SH2D3A: variants seen among roughly 807,000 people sequenced by gnomAD.
The protein encoded by SH2D3A is SH2 domain-containing protein 3A.
In SH2D3A, 46 loss-of-function variants were observed where a neutral mutation model predicts 50.6. That is an observed-to-expected ratio of 0.91 (90% CI 0.72 to 1.16). SH2D3A has a LOEUF of 1.16. SH2D3A is among the 50% of genes most tolerant of loss of function. The pLI is 0.00. For missense variants in SH2D3A, 783 were observed against 786.2 expected (o/e 1.00, Z 0.05); for synonymous variants, 377 against 348.4 (o/e 1.08, Z -0.91).
chr19:6,765,688 C>A (rs556715153), intron 1 of SH2D3A, among the ~76,000 whole-genome samples: 61 of 141,824 alleles, frequency 4.3e-4, no homozygotes, highest in Non-Finnish European at 7.9e-4. Context: ...GCAGACCCTG[C>A]AGTGAACCGA....
At chr19:6,766,785 G>A (rs1177129632) in intron 1 of SH2D3A, among the ~76,000 whole-genome samples, 1 of 152,212 alleles carries the variant, frequency 6.6e-6, no homozygotes, top group Non-Finnish European at 1.5e-5. Context: ...ATCAATGAAA[G>A]TGATAAGCCA....
At position 6,755,032 on chromosome 19, in the gene SH2D3A, G is replaced by A. The variant is rs145201987; in HGVS notation, c.780C>T (p.Ala260=). ...CPEPEAPWWE[A]EEDEEEENRC... Reference sequence around the variant, plus strand: ...TATTCTCTTCCTCCTCATCCTCCTCGGCCTCCCACCATGGGGCCTCTGGCT... The same window carrying A: ...TATTCTCTTCCTCCTCATCCTCCTCAGCCTCCCACCATGGGGCCTCTGGCT... Residue 260 remains alanine, a synonymous_variant, in exon 5 of 10, where the codon GCC becomes GCT. Transcript: ENST00000245908. 51 of 1,613,822 alleles carry A rather than the reference G, an allele frequency of 3.2e-5. No individual in the cohort carries two copies. The highest frequency in any genetic ancestry group is 4.2e-5 in the Non-Finnish European group (50 of 1,180,004).
intron 3 of SH2D3A, 49 bp from the exon 4 acceptor site, chr19:6,759,719 C>T (rs1969901627): frequency 6.4e-7 from 1 of 1,569,438 alleles, no homozygotes; most frequent in African/African-American, 1.3e-5. Context: ...TAAGCAGTGT[C>T]CCCCACCAAT....
chr19:6,754,151 C>G lies in SH2D3A; in HGVS notation c.1285G>C (p.Glu429Gln). 1.9e-6 allele frequency: 3 copies of G among 1,613,106 alleles called. No individual in the cohort carries two copies. The highest frequency in any genetic ancestry group is 8.5e-7 in the Non-Finnish European group (1 of 1,179,690). ...CTTCGGAGCTGGCGCCACGTGTGCT[C>G]CAACCGGGACACCTGGGAGAAGAGA... is the stretch of plus-strand genomic sequence containing the variant. ...ALLMPQVSRL[E>Q]HTWRQLRRSH... The change falls in exon 8 of 10, where the codon GAG becomes CAG. Residue 429 changes from glutamate (E) to glutamine (Q), a missense_variant. By Grantham distance (29) the Glu-to-Gln change is conservative (BLOSUM62 2). Transcript: ENST00000245908.
At position 6,760,571 on chromosome 19, in the gene SH2D3A, C is replaced by G. The variant is rs1969953642; in HGVS notation, c.419+67G>C. 4 of 1,333,206 alleles carry G rather than the reference C, an allele frequency of 3.0e-6. No homozygotes were observed. In the South Asian group the frequency reaches 6.2e-5, roughly 21 times the overall value. 82.6% of individuals were successfully genotyped at this position (1,333,206 alleles called of 1,614,324 possible). The stretch of plus-strand genomic sequence containing the variant: ...AGACTCAGTCAAAAAAAAAAAAAGT[C>G]AACCATTGAGTTGGAAAACCCTGCG... On this transcript the variant is annotated intron_variant, in intron 3 of 9. Coordinates refer to ENST00000245908, the MANE Select transcript of SH2D3A (RefSeq NM_005490.3).
intron 2 of SH2D3A, among the ~76,000 whole-genome samples, chr19:6,761,965 C>CAAAAAAAAAAACAA (rs1970044845): frequency 3.9e-5 from 4 of 101,598 alleles, no homozygotes; most frequent in African/African-American, 1.6e-4. Context: ...AAAAAAAAAA[C>CAAAAAAAAAAACAA]AAAAAAAAAA....
At chr19:6,762,550 A>G (rs1970086047) in intron 2 of SH2D3A, among the ~76,000 whole-genome samples, 1 of 124,028 alleles carries the variant, frequency 8.1e-6, no homozygotes, top group Admixed American at 1.0e-4. Context: ...TCGATTGCCC[A>G]GGCTGAGTGC....
intron 1 of SH2D3A, among the ~76,000 whole-genome samples, chr19:6,766,865 G>C (rs1970326695): frequency 6.6e-6 from 1 of 152,188 alleles, no homozygotes; most frequent in South Asian, 2.1e-4. Flanking sequence ...TGAGACCTCA[G>C]TACAGAAGGA....
chr19:6,752,761 C>A lies in SH2D3A; in HGVS notation c.1571-8G>T. On this transcript the variant is annotated splice_region_variant and splice_polypyrimidine_tract_variant and intron_variant, in intron 9 of 9. Transcript: ENST00000245908. ...CCGGGTTAGGCCGGAATCCTGGAAG[C>A]AAGGTCAGGTGGGCTGGGGGCGGGG... 6.5e-7 allele frequency: 1 copy of A among 1,527,106 alleles called. No homozygotes were observed. Among genetic ancestry groups the A allele is most frequent in the Non-Finnish European group, 8.8e-7 (1 of 1,131,432 alleles). 94.6% of individuals were successfully genotyped at this position (1,527,106 alleles called of 1,614,324 possible).
At chr19:6,760,506 T>G in intron 3 of SH2D3A, 132 bp downstream of exon 3, 2 of 725,952 alleles carry the variant, frequency 2.8e-6, no homozygotes, top group Non-Finnish European at 4.4e-6. Context: ...TGCAGTGAGC[T>G]GAAATCATGC....
At chr19:6,755,400 C>T (rs1247162681) in intron 4 of SH2D3A, 85 bp from the exon 5 acceptor site, 2 of 929,384 alleles carry the variant, frequency 2.2e-6, no homozygotes, top group Non-Finnish European at 3.1e-6. Flanking sequence ...CGGCTACCAC[C>T]CACCTGATCC....
rs770030908 is a variant in SH2D3A at position 6,760,781 on chromosome 19, A to G, written c.276T>C (p.Val92=). 6.2e-6 allele frequency: 10 copies of G among 1,614,100 alleles called. No homozygotes were observed. In the East Asian group the frequency reaches 2.2e-4, roughly 36 times the overall value. ...GGCGCCTGCCTGTCATATAACTGTGAACCAGAGCCGGTATGCTGGGGAATT... is the reference window on the plus strand; with the variant it reads ...GGCGCCTGCCTGTCATATAACTGTGGACCAGAGCCGGTATGCTGGGGAATT... ...DEQFPSIPAL[V]HSYMTGRRPL... is the part of the protein sequence containing the mutation. The change falls in exon 3 of 10, where the codon GTT becomes GTC. Residue 92 remains valine, a synonymous_variant. Coordinates refer to ENST00000245908, the MANE Select transcript of SH2D3A (RefSeq NM_005490.3).
At chr19:6,755,821 G>A (rs1014106476) in intron 4 of SH2D3A, among the ~76,000 whole-genome samples, 1 of 151,730 alleles carries the variant, frequency 6.6e-6, no homozygotes, top group Non-Finnish European at 1.5e-5. Context: ...GCCGACGCCT[G>A]TAATCTCAGC....
chr19:6,754,617 T>A lies in SH2D3A; in HGVS notation c.1096A>T (p.Arg366Trp). 6.2e-7 allele frequency: 1 copy of A among 1,614,036 alleles called. No homozygotes were observed. The highest frequency in any genetic ancestry group is 1.1e-5 in the South Asian group (1 of 91,084). ...CAAGATTACAAGCTGCTGGCTCACC[T>A]CTCCAGCAGTTCCAACCTCAAGTGG... ...GHHLRLELLERHQTLALAGAL... is the reference protein window; with the variant it reads ...GHHLRLELLEWHQTLALAGAL... The change falls in exon 6 of 10, where the codon AGG (arginine) becomes TGG (tryptophan). Residue 366 changes from arginine to tryptophan, a missense_variant and splice_region_variant. Arg to Trp is a moderately radical substitution (Grantham distance 101). Transcript: ENST00000245908.
At chr19:6,754,771 T>A in intron 5 of SH2D3A, 40 bp from the exon 6 acceptor site, 1 of 1,613,782 alleles carries the variant, frequency 6.2e-7, no homozygotes, top group Middle Eastern at 1.6e-4. Context: ...AGCGTGATTA[T>A]GTAGGCATGG....
chr19:6,753,990 T>C, intron 8 of SH2D3A, 62 bp downstream of exon 8: 2 of 1,511,702 alleles, frequency 1.3e-6, no homozygotes, highest in South Asian at 1.3e-5. Flanking sequence ...TAGGACTAGA[T>C]TGAGTCCTGT....
Position 6,754,723 on chromosome 19 carries a change from G to T in SH2D3A, c.990C>A (p.Gly330=). ...GCTGATCTCTGGTCACTCCCAGGAG[G>T]CCTGTGGCCTGCAGAAGGGAATGGG... ...HLLLVDCQAT[G]LLGVTRDQRG... is the part of the protein sequence containing the mutation. Residue 330 remains glycine, a synonymous_variant, in exon 6 of 10, where the codon GGC becomes GGA. Coordinates refer to ENST00000245908, the MANE Select transcript of SH2D3A (RefSeq NM_005490.3). The T allele has an allele frequency of 6.2e-7, 1 of 1,614,204 alleles. No individual in the cohort carries two copies. The highest frequency in any genetic ancestry group is 8.5e-7 in the Non-Finnish European group (1 of 1,180,028).
intron 9 of SH2D3A, chr19:6,753,172 G>C: frequency 1.0e-6 from 1 of 985,218 alleles, no homozygotes; most frequent in Non-Finnish European, 1.2e-6. Flanking sequence ...ATCCCTGGGG[G>C]ACGGGATCGT....
At chr19:6,766,792 G>A (rs541763455) in intron 1 of SH2D3A, among the ~76,000 whole-genome samples, 11 of 152,306 alleles carry the variant, frequency 7.2e-5, no homozygotes, top group African/African-American at 2.2e-4. Flanking sequence ...AAAGTGATAA[G>A]CCAGGGAGAT....
Sources: allele counts gnomAD v4.1 joint callset (sites outside exome capture counted in the v4.1 genomes callset), GRCh38; gene constraint gnomAD v4.1.1; transcripts MANE v1.5; gene names NCBI Gene and HGNC (gene_info 2026-07-23, HGNC 2026-07-21).